The following LPP variants were observed in gnomAD, a reference collection of about 807,000 sequenced individuals.
LPP encodes the protein lipoma-preferred partner.
LPP carries 38 observed loss-of-function variants against 60.4 expected under a neutral mutation model. The observed-to-expected ratio is 0.63, with a 90% CI of 0.49 to 0.83. LPP has a LOEUF of 0.83. Among genes scored for constraint, LPP ranks in the 40% least tolerant of loss-of-function variants. LPP has a pLI of 0.00. For synonymous variants in LPP, 328 were observed against 290.8 expected, an observed-to-expected ratio of 1.13 and a Z score of -1.30; for missense variants, 902 against 783.6, an observed-to-expected ratio of 1.15 and a Z score of -1.80.
At chr3:188,318,101 T>G (rs1369592297) in intron 2 of LPP, among the ~76,000 whole-genome samples, 1 of 152,114 alleles carries the variant, frequency 6.6e-6, no homozygotes, top group African/African-American at 2.4e-5. Context: ...TAGAAGCTGG[T>G]TTTAAAGCTC....
intron 2 of LPP, among the ~76,000 whole-genome samples, chr3:188,253,987 G>T (rs903481779): frequency 6.6e-6 from 1 of 152,114 alleles, no homozygotes; most frequent in Non-Finnish European, 1.5e-5. Flanking sequence ...AAGTGAATTT[G>T]GGAAGTTTTG....
chr3:188,381,685 G>A (rs1776939406), intron 3 of LPP, among the ~76,000 whole-genome samples: 1 of 152,178 alleles, frequency 6.6e-6, no homozygotes, highest in Non-Finnish European at 1.5e-5. Context: ...TAGCGTGAGA[G>A]TTGTTTGAGC....
chr3:188,586,619 A>G (rs1837504937), intron 6 of LPP, among the ~76,000 whole-genome samples: 1 of 152,220 alleles, frequency 6.6e-6, no homozygotes, highest in South Asian at 2.1e-4. Flanking sequence ...TAGAGAAAAG[A>G]TATTTCTATG....
chr3:188,368,727 G>C (rs866209567), intron 3 of LPP, among the ~76,000 whole-genome samples: 3,216 of 145,478 alleles, frequency 0.022, 122 homozygotes, highest in African/African-American at 0.077. Context: ...CACAGAGAGA[G>C]AGAGAGAGAG....
intron 3 of LPP, among the ~76,000 whole-genome samples, chr3:188,401,774 A>G (rs1442042941): frequency 6.6e-6 from 1 of 152,222 alleles, no homozygotes; most frequent in Admixed American, 6.5e-5. Flanking sequence ...AGGAAAGCAG[A>G]TGGGCAGAGC....
chr3:188,476,452 ACTT>A (rs139442206), intron 4 of LPP, among the ~76,000 whole-genome samples: 2,285 of 152,260 alleles, frequency 0.015, 57 homozygotes, highest in African/African-American at 0.052. Flanking sequence ...ATGTTAAGTT[ACTT>A]CTTTGGTAGG....
chr3:188,511,652 ACCC>A (rs1815701745), intron 5 of LPP, among the ~76,000 whole-genome samples: 1 of 151,956 alleles, frequency 6.6e-6, no homozygotes, highest in African/African-American at 2.4e-5. Context: ...TGCCCGAGTA[ACCC>A]TAGAAAGTTC....
chr3:188,683,320 CT>C (rs1859943030), intron 7 of LPP, among the ~76,000 whole-genome samples: 1 of 152,030 alleles, frequency 6.6e-6, no homozygotes, highest in South Asian at 2.1e-4. Flanking sequence ...ATTTTTTCCC[CT>C]TTTCTTTCTC....
chr3:188,624,988 T>C (rs1234487743), intron 7 of LPP, among the ~76,000 whole-genome samples: 3 of 152,030 alleles, frequency 2.0e-5, no homozygotes, highest in Non-Finnish European at 2.9e-5. Context: ...TTTAGCAAGA[T>C]GTTATCATGT....
intron 2 of LPP, among the ~76,000 whole-genome samples, chr3:188,334,163 C>T (rs931921561): frequency 2.0e-5 from 3 of 152,106 alleles, no homozygotes; most frequent in African/African-American, 7.2e-5. Flanking sequence ...ATGATGTCCT[C>T]CAGGCTTATC....
At chr3:188,379,769 A>T (rs1776364666) in intron 3 of LPP, among the ~76,000 whole-genome samples, 1 of 152,216 alleles carries the variant, frequency 6.6e-6, no homozygotes, top group Non-Finnish European at 1.5e-5. Context: ...CATGATAAGT[A>T]GGCTTTTGAT....
At chr3:188,631,561 T>C (rs1236545268) in intron 7 of LPP, among the ~76,000 whole-genome samples, 1 of 152,206 alleles carries the variant, frequency 6.6e-6, no homozygotes, top group African/African-American at 2.4e-5. Context: ...CAAGTAGTAC[T>C]CCACATGTAT....
intron 4 of LPP, among the ~76,000 whole-genome samples, chr3:188,442,268 C>T (rs1408820125): frequency 6.6e-6 from 1 of 152,132 alleles, no homozygotes; most frequent in Non-Finnish European, 1.5e-5. Flanking sequence ...CGCTATCCCT[C>T]CCCCAGCCCC....
intron 6 of LPP, among the ~76,000 whole-genome samples, chr3:188,539,887 A>C (rs1824682759): frequency 6.6e-6 from 1 of 152,158 alleles, no homozygotes; most frequent in African/African-American, 2.4e-5. Flanking sequence ...ACAGAACTCC[A>C]AGAACTCTCA....
At chr3:188,520,107 G>A (rs1438151192) in intron 5 of LPP, among the ~76,000 whole-genome samples, 3 of 152,144 alleles carry the variant, frequency 2.0e-5, no homozygotes, top group South Asian at 2.1e-4. Context: ...CACTTATTAT[G>A]ATTTGTCAAG....
chr3:188,362,256 A>G (rs1769666644), intron 3 of LPP, among the ~76,000 whole-genome samples: 2 of 152,198 alleles, frequency 1.3e-5, no homozygotes, highest in Non-Finnish European at 2.9e-5. Context: ...TAAACTATTT[A>G]TAGCTGAGGT....
chr3:188,862,229 G>T (rs996496558), intron 9 of LPP, among the ~76,000 whole-genome samples: 1 of 152,180 alleles, frequency 6.6e-6, no homozygotes, highest in South Asian at 2.1e-4. Flanking sequence ...TTCAGAATTT[G>T]TTTCCTAGGA....
At chr3:188,298,564 C>G (rs146827901) in intron 2 of LPP, among the ~76,000 whole-genome samples, 1 of 152,144 alleles carries the variant, frequency 6.6e-6, no homozygotes, top group African/African-American at 2.4e-5. Flanking sequence ...TCTCGTGAGG[C>G]GCTTCTCATG....
intron 6 of LPP, among the ~76,000 whole-genome samples, chr3:188,557,479 A>G (rs376138493): frequency 6.6e-6 from 1 of 152,138 alleles, no homozygotes. Flanking sequence ...GTGCCAATTC[A>G]TAAATGGCAA....
Sources: allele counts gnomAD v4.1 joint callset (sites outside exome capture counted in the v4.1 genomes callset), GRCh38; gene constraint gnomAD v4.1.1; transcripts MANE v1.5; gene names NCBI Gene and HGNC (gene_info 2026-07-23, HGNC 2026-07-21).